The following ANKS1B variants were observed in gnomAD, a reference collection of about 807,000 sequenced individuals.
The protein encoded by ANKS1B is ankyrin repeat and sterile alpha motif domain containing 1B, also known as ankyrin repeat and sterile alpha motif domain-containing protein 1B.
Under a neutral mutation model 148.3 loss-of-function variants are expected in ANKS1B, and 36 were observed. The ratio of observed to expected loss-of-function variants is 0.24; its 90% confidence interval spans 0.19 to 0.32. ANKS1B has a LOEUF of 0.32. ANKS1B is among the 10% of genes least tolerant of loss of function. The pLI is 1.00. For missense variants in ANKS1B, 1,157 were observed against 1,542.6 expected (o/e 0.75, Z 4.19); for synonymous variants, 542 against 560.8 (o/e 0.97, Z 0.47).
chr12:99,628,686 G>T (rs1011325080), intron 9 of ANKS1B, among the ~76,000 whole-genome samples: 1 of 152,102 alleles, frequency 6.6e-6, no homozygotes, highest in African/African-American at 2.4e-5. Context: ...AGTTCTGGAG[G>T]ATGGGACATC....
At chr12:99,636,713 C>G (rs1223773209) in intron 9 of ANKS1B, among the ~76,000 whole-genome samples, 1 of 152,140 alleles carries the variant, frequency 6.6e-6, no homozygotes, top group Admixed American at 6.5e-5. Context: ...AACTGGGACT[C>G]AACTGGGAAC....
chr12:99,566,531 T>G (rs975201983), intron 9 of ANKS1B, among the ~76,000 whole-genome samples: 1 of 152,190 alleles, frequency 6.6e-6, no homozygotes, highest in Non-Finnish European at 1.5e-5. Context: ...CTAAATTTCA[T>G]GTGTTAGAAA....
chr12:99,651,644 C>CTGCTTCTGATT (rs1449494744), intron 9 of ANKS1B, among the ~76,000 whole-genome samples: 4 of 152,246 alleles, frequency 2.6e-5, no homozygotes, highest in Middle Eastern at 3.4e-3. Flanking sequence ...ATATTTCAAT[C>CTGCTTCTGATT]TGCTTCTGAT....
intron 8 of ANKS1B, among the ~76,000 whole-genome samples, chr12:99,696,816 T>C (rs1051739116): frequency 6.6e-6 from 1 of 152,190 alleles, no homozygotes; most frequent in African/African-American, 2.4e-5. Context: ...GAGAAGATCT[T>C]GGCAAAACAC....
At chr12:99,206,690 C>T (rs73377327) in intron 14 of ANKS1B, among the ~76,000 whole-genome samples, 4,247 of 152,168 alleles carry the variant, frequency 0.028, 201 homozygotes, top group African/African-American at 0.096. Context: ...CATACCGAGT[C>T]CAGGCACAGA....
intron 12 of ANKS1B, among the ~76,000 whole-genome samples, chr12:99,395,658 T>C (rs1485775514): frequency 6.6e-6 from 1 of 152,204 alleles, no homozygotes; most frequent in Admixed American, 6.5e-5. Flanking sequence ...AACCTATTTA[T>C]ATCATTCCCC....
rs767184534 is a variant in ANKS1B at position 99,648,277 on chromosome 12, G to A, written c.1272+6790C>T. On this transcript the variant is annotated intron_variant, in intron 9 of 26. Coordinates refer to ENST00000683438, the MANE Select transcript of ANKS1B (RefSeq NM_001352186.2). ...GAAGCTGCAGCGGCAACTGTACAAA[G>A]GCGAGTATACTATATTCAGGTATGC... is the stretch of plus-strand genomic sequence containing the variant. The A allele has an allele frequency of 4.2e-5, 67 of 1,614,058 alleles. 1 individual carries two copies. In the South Asian group the frequency reaches 5.8e-4, roughly 14 times the overall value.
intron 17 of ANKS1B, among the ~76,000 whole-genome samples, chr12:98,981,830 G>A (rs2099911412): frequency 6.6e-6 from 1 of 152,230 alleles, no homozygotes; most frequent in Non-Finnish European, 1.5e-5. Flanking sequence ...TATGATGTAA[G>A]TAAGTTGATT....
chr12:99,564,720 T>G (rs2097371088), intron 9 of ANKS1B, among the ~76,000 whole-genome samples: 1 of 152,170 alleles, frequency 6.6e-6, no homozygotes, highest in Non-Finnish European at 1.5e-5. Flanking sequence ...AATTTCTGTT[T>G]TTAGCACAAA....
intron 17 of ANKS1B, among the ~76,000 whole-genome samples, chr12:98,944,928 A>T (rs2099842774): frequency 6.6e-6 from 1 of 152,188 alleles, no homozygotes; most frequent in African/African-American, 2.4e-5. Context: ...CATATAAATT[A>T]TGTCTAAACC....
chr12:99,530,420 G>A (rs2096976277), intron 9 of ANKS1B, among the ~76,000 whole-genome samples: 1 of 152,126 alleles, frequency 6.6e-6, no homozygotes, highest in South Asian at 2.1e-4. Context: ...AAGTTTAGGA[G>A]TCAGTTAACT....
chr12:99,906,487 T>C (rs80033415), intron 1 of ANKS1B, among the ~76,000 whole-genome samples: 1 of 152,326 alleles, frequency 6.6e-6, no homozygotes, highest in East Asian at 1.9e-4. Flanking sequence ...ACACCTAATA[T>C]AACTCATTCT....
intron 12 of ANKS1B, among the ~76,000 whole-genome samples, chr12:99,312,048 T>C (rs1273914542): frequency 6.6e-6 from 1 of 152,078 alleles, no homozygotes; most frequent in East Asian, 1.9e-4. Context: ...TAGAAAGAGA[T>C]TGTCACAATA....
intron 9 of ANKS1B, among the ~76,000 whole-genome samples, chr12:99,552,208 T>C (rs746759099): frequency 5.9e-5 from 9 of 152,162 alleles, no homozygotes; most frequent in Non-Finnish European, 1.5e-5. Flanking sequence ...ATCACAATTA[T>C]AATGAAATGA....
chr12:98,806,613 A>G (rs1407654498), intron 20 of ANKS1B, among the ~76,000 whole-genome samples: 1 of 152,224 alleles, frequency 6.6e-6, no homozygotes, highest in Non-Finnish European at 1.5e-5. Context: ...ACACAGCTCT[A>G]TGCTTATAAA....
chr12:99,570,685 C>A (rs895033768), intron 9 of ANKS1B, among the ~76,000 whole-genome samples: 7 of 149,802 alleles, frequency 4.7e-5, no homozygotes, highest in African/African-American at 1.7e-4. Context: ...ACAAGATTGG[C>A]AAAATGATGA....
chr12:99,441,037 C>T (rs192088471), intron 11 of ANKS1B, among the ~76,000 whole-genome samples: 18 of 151,846 alleles, frequency 1.2e-4, no homozygotes, highest in Admixed American at 1.2e-3. Flanking sequence ...AAGTTCAACA[C>T]AAGTTTTAAA....
chr12:98,737,577 A>G (rs1305903470), intron 9 of ANKS1B, among the ~76,000 whole-genome samples: 2 of 152,204 alleles, frequency 1.3e-5, no homozygotes, highest in African/African-American at 4.8e-5. Flanking sequence ...CACTTGTTGG[A>G]TGACTGGAAT....
At chr12:99,790,800 T>C (rs1213163037) in intron 4 of ANKS1B, among the ~76,000 whole-genome samples, 2 of 151,700 alleles carry the variant, frequency 1.3e-5, no homozygotes, top group East Asian at 1.9e-4. Context: ...AATTAAAGCC[T>C]ACTGCCAGAG....
Sources: gnomAD v4.1 joint callset for allele counts (sites outside exome capture counted in the v4.1 genomes callset) on GRCh38, gnomAD v4.1.1 for gene constraint, MANE v1.5 for transcripts, NCBI Gene and HGNC (gene_info 2026-07-23, HGNC 2026-07-21) for gene names.